RABGAP1L: variants seen among roughly 807,000 people sequenced by gnomAD.
The protein encoded by RABGAP1L is RAB GTPase activating protein 1 like.
Under a neutral mutation model 137.7 loss-of-function variants are expected in RABGAP1L, and 63 were observed. The observed-to-expected ratio is 0.46, with a 90% CI of 0.37 to 0.56. The LOEUF is 0.56. Among genes scored for constraint, RABGAP1L ranks in the 20% least tolerant of loss-of-function variants. RABGAP1L has a pLI of 0.00. For missense variants in RABGAP1L, 1,095 were observed against 1,244.0 expected (o/e 0.88, Z 1.80); for synonymous variants, 431 against 433.7 (o/e 0.99, Z 0.08).
intron 11 of RABGAP1L, among the ~76,000 whole-genome samples, chr1:174,339,717 C>T (rs1681801993): frequency 6.6e-6 from 1 of 152,038 alleles, no homozygotes; most frequent in Non-Finnish European, 1.5e-5. Context: ...ATTGATTCTC[C>T]TGCCTCAGCC....
chr1:174,832,669 A>G (rs1692235319), intron 19 of RABGAP1L, among the ~76,000 whole-genome samples: 2 of 151,850 alleles, frequency 1.3e-5, no homozygotes, highest in African/African-American at 4.8e-5. Flanking sequence ...ATGTGCTGAC[A>G]GTGGGCACAC....
chr1:174,560,987 C>A (rs1378884309), intron 13 of RABGAP1L, among the ~76,000 whole-genome samples: 1 of 152,134 alleles, frequency 6.6e-6, no homozygotes, highest in Non-Finnish European at 1.5e-5. Context: ...AGTGGAGTTA[C>A]TTATGTGTGT....
intron 20 of RABGAP1L, among the ~76,000 whole-genome samples, chr1:174,967,330 ATTTTTT>A (rs35787924): frequency 1.7e-5 from 2 of 115,880 alleles, no homozygotes; most frequent in East Asian, 2.5e-4. Context: ...CACCCAGCTA[ATTTTTT>A]TTTTTTTTTT....
At chr1:174,773,193 A>C (rs1402831869) in intron 18 of RABGAP1L, among the ~76,000 whole-genome samples, 1 of 53,698 alleles carries the variant, frequency 1.9e-5, no homozygotes, top group Non-Finnish European at 6.5e-5. Flanking sequence ...TTTATTTTAA[A>C]CCTTACAATT....
chr1:174,165,578 A>G (rs1465910241), intron 1 of RABGAP1L, among the ~76,000 whole-genome samples: 1 of 151,148 alleles, frequency 6.6e-6, no homozygotes, highest in Non-Finnish European at 1.5e-5. Flanking sequence ...AGCTCACTGC[A>G]TCCTTGATTT....
chr1:174,700,932 A>G (rs1351220649), intron 16 of RABGAP1L: 5 of 538,840 alleles, frequency 9.3e-6, no homozygotes, highest in Admixed American at 7.4e-5. Flanking sequence ...GTGTGGTACT[A>G]TGAAGAACCT....
At chr1:174,783,762 G>A (rs185140201) in intron 18 of RABGAP1L, among the ~76,000 whole-genome samples, 22 of 136,034 alleles carry the variant, frequency 1.6e-4, no homozygotes, top group African/African-American at 5.7e-4. Flanking sequence ...AGGCTGGAGT[G>A]CAGTGGCGTG....
intron 13 of RABGAP1L, among the ~76,000 whole-genome samples, chr1:174,410,469 G>A (rs775662779): frequency 1.3e-5 from 2 of 152,070 alleles, no homozygotes; most frequent in Admixed American, 6.6e-5. Flanking sequence ...GATAATGTGT[G>A]GCTAAGTCTT....
At chr1:174,685,657 G>C (rs1163281838) in intron 15 of RABGAP1L, among the ~76,000 whole-genome samples, 1 of 150,712 alleles carries the variant, frequency 6.6e-6, no homozygotes, top group Non-Finnish European at 1.5e-5. Context: ...TCCACCTCCT[G>C]GGTTCAAGTG....
chr1:174,652,271 T>G (rs1489878964), intron 14 of RABGAP1L, among the ~76,000 whole-genome samples: 1 of 152,150 alleles, frequency 6.6e-6, no homozygotes, highest in Non-Finnish European at 1.5e-5. Flanking sequence ...CCTTAACATT[T>G]TTTCCTTCAT....
At chr1:174,553,024 G>A (rs1666657661) in intron 13 of RABGAP1L, among the ~76,000 whole-genome samples, 1 of 152,106 alleles carries the variant, frequency 6.6e-6, no homozygotes, top group Admixed American at 6.5e-5. Context: ...CCACATATAT[G>A]TCTTCTTCTG....
At chr1:174,848,510 G>A (rs1647470438) in intron 19 of RABGAP1L, among the ~76,000 whole-genome samples, 1 of 149,460 alleles carries the variant, frequency 6.7e-6, no homozygotes, top group Non-Finnish European at 1.5e-5. Context: ...GTTTGCCCCT[G>A]CTGGGGGGTG....
At chr1:174,686,028 G>A (rs1237226773) in intron 15 of RABGAP1L, among the ~76,000 whole-genome samples, 2 of 152,172 alleles carry the variant, frequency 1.3e-5, no homozygotes, top group African/African-American at 4.8e-5. Context: ...AATAGAGTAA[G>A]AAGATTAAAT....
intron 1 of RABGAP1L, among the ~76,000 whole-genome samples, chr1:174,166,736 C>G (rs1403788843): frequency 2.0e-5 from 3 of 152,152 alleles, no homozygotes; most frequent in African/African-American, 7.2e-5. Context: ...AGTGTGTAGT[C>G]GATTTGAAGA....
chr1:174,749,595 T>C (rs1684179299), intron 17 of RABGAP1L, among the ~76,000 whole-genome samples: 2 of 152,114 alleles, frequency 1.3e-5, no homozygotes. Flanking sequence ...TGTTATTATC[T>C]AAAAACCTGG....
At chr1:174,576,622 C>G (rs1668393468) in intron 13 of RABGAP1L, among the ~76,000 whole-genome samples, 1 of 152,118 alleles carries the variant, frequency 6.6e-6, no homozygotes, top group African/African-American at 2.4e-5. Context: ...AGGGGGTCTC[C>G]CTACATATAT....
chr1:174,905,719 CG>C (rs1658944213), intron 19 of RABGAP1L, among the ~76,000 whole-genome samples: 1 of 151,924 alleles, frequency 6.6e-6, no homozygotes, highest in Non-Finnish European at 1.5e-5. Context: ...GACATGGTGC[CG>C]GGTGCCTGAA....
intron 4 of RABGAP1L, among the ~76,000 whole-genome samples, chr1:174,238,117 T>A: frequency 6.6e-6 from 1 of 152,184 alleles, no homozygotes; most frequent in Non-Finnish European, 1.5e-5. Flanking sequence ...GGTTTTCAGC[T>A]CCATCAGCTC....
chr1:174,589,505 G>T (rs535997530), intron 13 of RABGAP1L, among the ~76,000 whole-genome samples: 1 of 152,042 alleles, frequency 6.6e-6, no homozygotes, highest in South Asian at 2.1e-4. Flanking sequence ...GCTTGTGCTC[G>T]TGGGGTATTA....
Sources: gnomAD v4.1 joint callset for allele counts (sites outside exome capture counted in the v4.1 genomes callset) on GRCh38, gnomAD v4.1.1 for gene constraint, MANE v1.5 for transcripts, NCBI Gene and HGNC (gene_info 2026-07-23, HGNC 2026-07-21) for gene names.